Variants in CSNK1G1 observed in about 807,000 individuals in gnomAD.
The protein encoded by CSNK1G1 is casein kinase I isoform gamma-1.
In CSNK1G1, 22 loss-of-function variants were observed where a neutral mutation model predicts 59.6. The ratio of observed to expected loss-of-function variants is 0.37; its 90% confidence interval spans 0.26 to 0.53. The LOEUF is 0.53. Among genes scored for constraint, CSNK1G1 ranks in the 20% least tolerant of loss-of-function variants. The pLI, the probability that CSNK1G1 is intolerant of heterozygous loss-of-function variation, is 0.89. For missense variants in CSNK1G1, 384 were observed against 519.5 expected (o/e 0.74, Z 2.54); for synonymous variants, 179 against 177.1 (o/e 1.01, Z -0.08).
chr15:64,292,266 G>C (rs979710604), intron 2 of CSNK1G1, among the ~76,000 whole-genome samples: 2 of 150,934 alleles, frequency 1.3e-5, no homozygotes, highest in African/African-American at 4.9e-5. Flanking sequence ...CAGTAATTCA[G>C]ACAAGGAAAG....
chr15:64,303,252 A>AT (rs1472764870), intron 1 of CSNK1G1, among the ~76,000 whole-genome samples: 1 of 149,392 alleles, frequency 6.7e-6, no homozygotes, highest in African/African-American at 2.4e-5. Flanking sequence ...AAAAAAAAAA[A>AT]CAAAAAAAAA....
At chr15:64,283,188 C>T (rs1050758644) in intron 2 of CSNK1G1, among the ~76,000 whole-genome samples, 1 of 151,798 alleles carries the variant, frequency 6.6e-6, no homozygotes, top group African/African-American at 2.4e-5. Flanking sequence ...TCTAAAGTGA[C>T]CATTAAAAAA....
intron 2 of CSNK1G1, among the ~76,000 whole-genome samples, chr15:64,281,240 C>T (rs1374798019): frequency 1.3e-5 from 2 of 152,140 alleles, no homozygotes; most frequent in African/African-American, 4.8e-5. Flanking sequence ...GTAAAATAAA[C>T]TTGCCACAAA....
At chr15:64,178,043 T>C (rs536031081) in intron 11 of CSNK1G1, among the ~76,000 whole-genome samples, 2 of 152,166 alleles carry the variant, frequency 1.3e-5, no homozygotes, top group South Asian at 4.1e-4. Flanking sequence ...GACCTGAACT[T>C]TTAAAATTCC....
Position 64,282,510 on chromosome 15 carries a change from C to T in CSNK1G1, c.181+17809G>A, listed in dbSNP as rs543520276. 3.9e-5 allele frequency among the ~76,000 whole-genome samples: 6 copies of T among 152,220 alleles called. No homozygotes were observed. In the South Asian group the frequency reaches 1.2e-3, roughly 32 times the overall value. ...CAAACTCCTGACCTCAAGAGATCCG[C>T]CCGCCTCTCAGTCTCCCATGAATTT... On this transcript the variant is annotated intron_variant, in intron 2 of 11. Transcript: ENST00000303052.
At chr15:64,266,314 G>C (rs1175859878) in intron 2 of CSNK1G1, among the ~76,000 whole-genome samples, 1 of 151,836 alleles carries the variant, frequency 6.6e-6, no homozygotes, top group Non-Finnish European at 1.5e-5. Context: ...CTGACCTCGT[G>C]ATCCACCCGC....
intron 1 of CSNK1G1, among the ~76,000 whole-genome samples, chr15:64,313,822 T>A (rs1896125397): frequency 6.7e-6 from 1 of 149,252 alleles, no homozygotes; most frequent in Non-Finnish European, 1.5e-5. Flanking sequence ...AACCAAGAAC[T>A]TTTTTTTTAA....
At chr15:64,184,604 G>C (rs1267801995) in intron 10 of CSNK1G1, among the ~76,000 whole-genome samples, 1 of 150,328 alleles carries the variant, frequency 6.7e-6, no homozygotes, top group Non-Finnish European at 1.5e-5. Context: ...TTGAACCTGG[G>C]AGGCGGACGT....
chr15:64,193,786 T>G (rs1461017964), intron 10 of CSNK1G1, among the ~76,000 whole-genome samples: 1 of 152,158 alleles, frequency 6.6e-6, no homozygotes, highest in Non-Finnish European at 1.5e-5. Context: ...CAATTCTCTA[T>G]TCAAACTCTG....
At chr15:64,219,650 A>C (rs903214197) in intron 4 of CSNK1G1, among the ~76,000 whole-genome samples, 1 of 151,528 alleles carries the variant, frequency 6.6e-6, no homozygotes, top group Non-Finnish European at 1.5e-5. Flanking sequence ...TCCAGAGATG[A>C]GCTCCCACTA....
intron 2 of CSNK1G1, among the ~76,000 whole-genome samples, chr15:64,269,578 C>T (rs1378002120): frequency 6.6e-6 from 1 of 150,436 alleles, no homozygotes; most frequent in African/African-American, 2.4e-5. Flanking sequence ...ACTGCAACCT[C>T]TGCCTCCCGG....
In CSNK1G1 at chr15:64,174,787, A is replaced by C. The variant is rs2081721637; in HGVS notation, c.1215-2802T>G. 2.0e-5 allele frequency among the ~76,000 whole-genome samples: 3 copies of C among 152,102 alleles called. No homozygotes were observed. In the South Asian group the frequency reaches 6.2e-4, roughly 32 times the overall value. On this transcript the variant is annotated intron_variant, in intron 11 of 11. Coordinates refer to ENST00000303052, the MANE Select transcript of CSNK1G1 (RefSeq NM_022048.5). ...CCTTGCTATGTTCCTTTTCTCTGCC[A>C]TATGTGTACATTCTTCCTTTCTTCT... is the stretch of plus-strand genomic sequence containing the variant.
chr15:64,319,330 C>A (rs1247477432), intron 1 of CSNK1G1, among the ~76,000 whole-genome samples: 1 of 152,036 alleles, frequency 6.6e-6, no homozygotes, highest in Non-Finnish European at 1.5e-5. Flanking sequence ...ATTTGATTTT[C>A]TTGTCAAATT....
At chr15:64,212,883 G>A (rs973932503) in intron 6 of CSNK1G1, among the ~76,000 whole-genome samples, 1 of 151,886 alleles carries the variant, frequency 6.6e-6, no homozygotes, top group Non-Finnish European at 1.5e-5. Flanking sequence ...ATGCATGCCT[G>A]TAATCCCAGC....
At chr15:64,337,644 T>C (rs1897459862) in intron 1 of CSNK1G1, among the ~76,000 whole-genome samples, 1 of 152,180 alleles carries the variant, frequency 6.6e-6, no homozygotes, top group Non-Finnish European at 1.5e-5. Context: ...TTTTTTACTG[T>C]GATAAAATAT....
At chr15:64,191,643 C>T (rs1411318643) in intron 10 of CSNK1G1, among the ~76,000 whole-genome samples, 1 of 152,128 alleles carries the variant, frequency 6.6e-6, no homozygotes, top group Non-Finnish European at 1.5e-5. Flanking sequence ...AAATCACATT[C>T]CATCTCCATT....
intron 2 of CSNK1G1, among the ~76,000 whole-genome samples, chr15:64,294,912 C>CAAA (rs937758323): frequency 4.7e-4 from 24 of 51,082 alleles, no homozygotes; most frequent in Admixed American, 9.5e-4. Context: ...AACTTCGTCT[C>CAAA]AAAAAAAAAA....
rs1466135362 is a variant in CSNK1G1 at position 64,321,478 on chromosome 15, G to A, written c.-224-20755C>T. On this transcript the variant is annotated intron_variant, in intron 1 of 11. Transcript: ENST00000303052. ...AGGTTGTGCTATGTTTGCCCAGGCT[G>A]GTTTCAAACTCTTGGATTCAAGCGA... Among the ~76,000 whole-genome samples the A allele has an allele frequency of 4.6e-5, 7 of 151,888 alleles. No individual in the cohort carries two copies. In the East Asian group the frequency reaches 1.3e-3, roughly 29 times the overall value.
At chr15:64,337,300 C>T (rs1224452626) in intron 1 of CSNK1G1, among the ~76,000 whole-genome samples, 1 of 152,050 alleles carries the variant, frequency 6.6e-6, no homozygotes, top group Admixed American at 6.6e-5. Flanking sequence ...GAGAGTGAAA[C>T]TTCATCACCA....
Sources: gnomAD v4.1 joint callset for allele counts (sites outside exome capture counted in the v4.1 genomes callset) on GRCh38, gnomAD v4.1.1 for gene constraint, MANE v1.5 for transcripts, NCBI Gene and HGNC (gene_info 2026-07-23, HGNC 2026-07-21) for gene names.